The following GAD1 variants were observed in gnomAD, a reference collection of about 807,000 sequenced individuals.
GAD1 encodes 67 kDa glutamic acid decarboxylase.
A neutral mutation model predicts 75.2 loss-of-function variants in GAD1; 35 were observed. The ratio of observed to expected loss-of-function variants is 0.47; its 90% CI spans 0.36 to 0.62. The LOEUF (loss-of-function observed/expected upper bound fraction) is 0.62, where lower values mean the gene tolerates loss of function less well. GAD1 is among the 20% of genes least tolerant of loss of function. GAD1 has a pLI of 0.00. For synonymous variants in GAD1, 257 were observed against 271.9 expected, an observed-to-expected ratio of 0.95 and a Z score of 0.54; for missense variants, 490 against 758.5, an observed-to-expected ratio of 0.65 and a Z score of 4.16.
chr2:170,844,179 C>A, intron 7 of GAD1, 22 bp downstream of exon 7: 1 of 1,276,514 alleles, frequency 7.8e-7, no homozygotes, highest in Non-Finnish European at 1.1e-6. Context: ...TTCTCTTCCT[C>A]TTCTCAAGGT....
chr2:170,853,902 T>C lies in GAD1; in HGVS notation c.1293T>C (p.Cys431=). 3 of 1,614,146 alleles carry C rather than the reference T, an allele frequency of 1.9e-6. No individual in the cohort carries two copies. Among genetic ancestry groups the C allele is most frequent in the Non-Finnish European group, 2.5e-6 (3 of 1,180,022 alleles). Residue 431 remains cysteine (C), a synonymous_variant, in exon 14 of 17, where the codon TGT becomes TGC. Coordinates refer to ENST00000358196, the MANE Select transcript of GAD1 (RefSeq NM_000817.3). This position sits in a 1 kb window ranked among gnomAD's most constrained non-coding sequence, Gnocchi z 4.1. ...KGILQGCNQM[C]AGYLFQPDKQ... ...TACTCCAAGGATGCAACCAGATGTG[T>C]GCAGGATACCTCTTCCAGCCAGACA... is the stretch of plus-strand genomic sequence containing the variant.
At chr2:170,832,438 G>A (rs539221705) in intron 5 of GAD1, among the ~76,000 whole-genome samples, 2 of 152,166 alleles carry the variant, frequency 1.3e-5, no homozygotes, top group South Asian at 2.1e-4. Flanking sequence ...AATGCCAGTC[G>A]TTGGATTAAG....
chr2:170,843,234 G>A (rs967283258), intron 6 of GAD1, among the ~76,000 whole-genome samples: 1 of 152,198 alleles, frequency 6.6e-6, no homozygotes, highest in Non-Finnish European at 1.5e-5. Context: ...CTATGCCTCT[G>A]TGTTGAATTG....
intron 5 of GAD1, among the ~76,000 whole-genome samples, chr2:170,832,651 TGC>T (rs764884035): frequency 0.036 from 4,955 of 136,814 alleles, 142 homozygotes; most frequent in African/African-American, 0.072. Flanking sequence ...CAGGCACACA[TGC>T]GCGCGCGCGC....
chr2:170,822,166 A>G lies in GAD1; in HGVS notation c.145+17A>G. The G allele has an allele frequency of 6.2e-7, 1 of 1,610,568 alleles. No individual in the cohort carries two copies. The highest frequency in any genetic ancestry group is 1.7e-4 in the Middle Eastern group (1 of 6,060). On this transcript the variant is annotated intron_variant, in intron 3 of 16. Transcript: ENST00000358196. ...AGATCTGCGGTAAGTGACAGGACCC[A>G]CTGGGGCCCGGCTGGGTGGCGCGGC...
chr2:170,858,612 C>T (rs1304529493), intron 15 of GAD1, among the ~76,000 whole-genome samples, 192 bp from the exon 16 acceptor site: 1 of 152,182 alleles, frequency 6.6e-6, no homozygotes, highest in Non-Finnish European at 1.5e-5. Context: ...TAGGGAACAG[C>T]TCTCTTGCCA....
In GAD1 at chr2:170,829,500, G is replaced by A. The variant is rs371710147; in HGVS notation, c.171G>A (p.Leu57=). Residue 57 remains leucine (L), a synonymous_variant, in exon 4 of 17, where the codon CTG becomes CTA. Coordinates refer to ENST00000358196, the MANE Select transcript of GAD1 (RefSeq NM_000817.3). The part of the protein sequence containing the change: ...ICGFLQRTNS[L]EEKSRLVSAF... ...GCTTCTTGCAAAGGACCAACAGCCT[G>A]GAAGAGAAGAGTCGCCTTGTGAGTG... 2.5e-6 allele frequency: 4 copies of A among 1,613,450 alleles called. No individual in the cohort carries two copies. The African/African-American group carries it at 5.3e-5, about 22-fold the overall frequency.
chr2:170,823,624 C>T (rs1022134252), intron 3 of GAD1, among the ~76,000 whole-genome samples: 1 of 152,088 alleles, frequency 6.6e-6, no homozygotes, highest in Non-Finnish European at 1.5e-5. Flanking sequence ...GATCTTTGTT[C>T]TATAAATAGC....
chr2:170,813,651 G>A (rs1275262949), upstream of GAD1, among the ~76,000 whole-genome samples: 2 of 152,186 alleles, frequency 1.3e-5, no homozygotes, highest in Non-Finnish European at 2.9e-5. Context: ...CTCCTTCAAC[G>A]CCTCACGCTC....
At chr2:170,842,815 A>G in intron 6 of GAD1, 1 of 1,249,634 alleles carries the variant, frequency 8.0e-7, no homozygotes, top group Non-Finnish European at 1.1e-6. Flanking sequence ...GATTAATTTG[A>G]CTGCTTTTTT....
At chr2:170,823,828 G>A (rs1461676605) in intron 3 of GAD1, among the ~76,000 whole-genome samples, 2 of 152,212 alleles carry the variant, frequency 1.3e-5, no homozygotes, top group African/African-American at 2.4e-5. Flanking sequence ...GGCTCTGGGC[G>A]ACGGCTCCTT....
intron 11 of GAD1, 78 bp downstream of exon 11, chr2:170,847,870 C>T (rs1702667508): frequency 1.1e-6 from 1 of 923,340 alleles, no homozygotes; most frequent in East Asian, 2.4e-5. Context: ...CAAGCTTCTC[C>T]CCACGCCCCA....
intron 6 of GAD1, among the ~76,000 whole-genome samples, chr2:170,840,021 G>A (rs116420392): frequency 6.6e-6 from 1 of 152,280 alleles, no homozygotes; most frequent in Non-Finnish European, 1.5e-5. Flanking sequence ...AGCAGTTCTC[G>A]TTTGTCATGG....
chr2:170,830,513 A>T (rs557696413), intron 4 of GAD1, among the ~76,000 whole-genome samples: 8 of 152,346 alleles, frequency 5.3e-5, no homozygotes, highest in African/African-American at 1.9e-4. Flanking sequence ...CTCAGGGGGA[A>T]CCCCAGCCTC....
chr2:170,829,647 C>T lies in GAD1; in HGVS notation c.304+14C>T, dbSNP rs1365697142. The T allele has an allele frequency of 1.9e-6, 3 of 1,611,690 alleles. No individual in the cohort carries two copies. Among genetic ancestry groups the T allele is most frequent in the Admixed American group, 3.3e-5 (2 of 59,998 alleles). On this transcript the variant is annotated intron_variant, in intron 4 of 16. Coordinates refer to ENST00000358196, the MANE Select transcript of GAD1 (RefSeq NM_000817.3). ...TGTTTGCTAGAGGTAGCCCCTGCCCCACTCCCGCCCCATGCTAGCCAGTAG... is the reference window on the plus strand; with the variant it reads ...TGTTTGCTAGAGGTAGCCCCTGCCCTACTCCCGCCCCATGCTAGCCAGTAG...
intron 2 of GAD1, among the ~76,000 whole-genome samples, chr2:170,820,869 G>A: frequency 6.6e-6 from 1 of 152,148 alleles, no homozygotes; most frequent in East Asian, 1.9e-4. Context: ...CAGTTTCATA[G>A]GACTGTTACG....
Position 170,853,832 on chromosome 2 carries a change from A to C in GAD1, c.1264-41A>C. 6.2e-7 allele frequency: 1 copy of C among 1,611,500 alleles called. No homozygotes were observed. Among genetic ancestry groups the C allele is most frequent in the Middle Eastern group, 1.7e-4 (1 of 6,048 alleles). On this transcript the variant is annotated intron_variant, in intron 13 of 16. Coordinates refer to ENST00000358196, the MANE Select transcript of GAD1 (RefSeq NM_000817.3). The surrounding 1 kb of genome is among the most constrained non-coding windows in gnomAD (Gnocchi z 4.1). Reference sequence around the variant, plus strand: ...AGTTTTAAAGCCACCCACATCTCTGATGTGTAAATGCAGATGCACCCATCT... The same window carrying C: ...AGTTTTAAAGCCACCCACATCTCTGCTGTGTAAATGCAGATGCACCCATCT...
chr2:170,859,700 C>A lies in GAD1; in HGVS notation c.1612-9C>A, dbSNP rs778673652. 3.4e-5 allele frequency: 55 copies of A among 1,613,730 alleles called. No individual in the cohort carries two copies. Among genetic ancestry groups the A allele is most frequent in the Non-Finnish European group, 3.4e-6 (4 of 1,179,902 alleles). ...ATCTTGAGTTTTGTTTTGTGTTTTC[C>A]ATCACAAGGTGGCTCCAAAAATCAA... On this transcript the variant is annotated splice_polypyrimidine_tract_variant and intron_variant, in intron 16 of 16. Coordinates refer to ENST00000358196, the MANE Select transcript of GAD1 (RefSeq NM_000817.3).
chr2:170,824,335 C>A (rs1377904717), intron 3 of GAD1, among the ~76,000 whole-genome samples: 1 of 151,666 alleles, frequency 6.6e-6, no homozygotes, highest in South Asian at 2.1e-4. Flanking sequence ...AGGCAGAGTG[C>A]AGTCTTTTGT....
Sources: allele counts gnomAD v4.1 joint callset (sites outside exome capture counted in the v4.1 genomes callset), GRCh38; gene constraint gnomAD v4.1.1; non-coding constraint Gnocchi (gnomAD v3.1); transcripts MANE v1.5; gene names NCBI Gene and HGNC (gene_info 2026-07-23, HGNC 2026-07-21).